Variants in FHIT observed in about 807,000 individuals in gnomAD.
The protein encoded by FHIT is bis(5'-adenosyl)-triphosphatase.
In FHIT, 19 loss-of-function variants were observed where a neutral mutation model predicts 17.9. The ratio of observed to expected loss-of-function variants is 1.06; its 90% CI spans 0.74 to 1.56. FHIT has a LOEUF of 1.56. Ranked by LOEUF, FHIT falls within the 40% of genes most tolerant of loss-of-function variation. The probability of loss-of-function intolerance (pLI) is 0.00; values close to 1 mark genes in which losing one functional copy is unlikely to be tolerated. For synonymous variants in FHIT, 81 were observed against 69.7 expected (o/e 1.16, Z -0.81); for missense variants, 248 against 189.2 (o/e 1.31, Z -1.82).
At chr3:60,521,002 A>C (rs531534242) in intron 5 of FHIT, among the ~76,000 whole-genome samples, 26 of 152,246 alleles carry the variant, frequency 1.7e-4, no homozygotes, top group Non-Finnish European at 3.1e-4. Flanking sequence ...AATGCCTATA[A>C]ATTTTTTGGT....
intron 2 of FHIT, among the ~76,000 whole-genome samples, chr3:61,051,794 A>G (rs1336036867): frequency 6.6e-6 from 1 of 152,182 alleles, no homozygotes; most frequent in Non-Finnish European, 1.5e-5. Flanking sequence ...AACTCTATCA[A>G]GAAGTTGTGT....
chr3:60,327,900 A>C (rs1559823670), intron 5 of FHIT, among the ~76,000 whole-genome samples: 1 of 152,150 alleles, frequency 6.6e-6, no homozygotes, highest in Non-Finnish European at 1.5e-5. Context: ...AGGGAGGTGG[A>C]GGCACTCAGA....
At chr3:60,509,753 CTG>C (rs2034874907) in intron 5 of FHIT, among the ~76,000 whole-genome samples, 2 of 152,236 alleles carry the variant, frequency 1.3e-5, no homozygotes, top group Non-Finnish European at 2.9e-5. Flanking sequence ...CTTTCATCCT[CTG>C]TTGACAATGA....
intron 7 of FHIT, among the ~76,000 whole-genome samples, chr3:59,948,142 C>T (rs79077898): frequency 0.04 from 6,018 of 152,074 alleles, 407 homozygotes; most frequent in African/African-American, 0.14. Flanking sequence ...ACATAGGTTT[C>T]CCTTTCTCTG....
chr3:60,431,160 G>A (rs1702882492), intron 5 of FHIT, among the ~76,000 whole-genome samples: 2 of 151,372 alleles, frequency 1.3e-5, no homozygotes, highest in South Asian at 4.2e-4. Flanking sequence ...GCAGTGAGCT[G>A]AGATCGCACC....
intron 3 of FHIT, among the ~76,000 whole-genome samples, chr3:61,039,851 A>AAAAC (rs1292250755): frequency 6.6e-5 from 10 of 152,288 alleles, no homozygotes; most frequent in East Asian, 1.9e-4. Context: ...AAAGTATAAA[A>AAAAC]AAACAAACAA....
chr3:60,657,678 C>A (rs1353220015), intron 4 of FHIT, among the ~76,000 whole-genome samples: 1 of 152,138 alleles, frequency 6.6e-6, no homozygotes, highest in Non-Finnish European at 1.5e-5. Flanking sequence ...TTTTGGACTT[C>A]TGTGTCTTTC....
At chr3:59,885,532 C>G (rs551962833) in intron 8 of FHIT, among the ~76,000 whole-genome samples, 1 of 151,386 alleles carries the variant, frequency 6.6e-6, no homozygotes, top group Admixed American at 6.6e-5. Context: ...ACATCAGCAA[C>G]TGCAGCCTAT....
intron 8 of FHIT, among the ~76,000 whole-genome samples, chr3:59,893,522 C>G (rs1266866430): frequency 6.6e-6 from 1 of 152,160 alleles, no homozygotes; most frequent in Admixed American, 6.5e-5. Context: ...GGAGAATGTC[C>G]CCAAGGGTGA....
intron 5 of FHIT, among the ~76,000 whole-genome samples, chr3:60,427,476 A>G (rs530558843): frequency 5.3e-5 from 8 of 152,126 alleles, no homozygotes; most frequent in African/African-American, 9.7e-5. Flanking sequence ...ATTCCAGCCC[A>G]TGAAAATGGT....
intron 8 of FHIT, among the ~76,000 whole-genome samples, chr3:59,911,435 T>A (rs1704869527): frequency 6.6e-6 from 1 of 152,140 alleles, no homozygotes; most frequent in African/African-American, 2.4e-5. Flanking sequence ...CTATTTTGGA[T>A]TGTCTATCTT....
At chr3:60,939,539 C>T (rs1553773975) in intron 3 of FHIT, among the ~76,000 whole-genome samples, 1 of 152,114 alleles carries the variant, frequency 6.6e-6, no homozygotes, top group Admixed American at 6.5e-5. Context: ...ACCGTGACTA[C>T]AAGCAGATCT....
chr3:59,980,893 A>G (rs912197580), intron 7 of FHIT, among the ~76,000 whole-genome samples: 6 of 152,222 alleles, frequency 3.9e-5, no homozygotes, highest in African/African-American at 1.2e-4. Flanking sequence ...TACTGTTTTC[A>G]TAATTTACAA....
chr3:60,822,649 T>A (rs1294238245), intron 3 of FHIT, among the ~76,000 whole-genome samples: 1 of 152,192 alleles, frequency 6.6e-6, no homozygotes, highest in Non-Finnish European at 1.5e-5. Flanking sequence ...CAAACGGGTA[T>A]AATAATATTT....
At chr3:59,974,216 G>A (rs1354881343) in intron 7 of FHIT, among the ~76,000 whole-genome samples, 1 of 152,084 alleles carries the variant, frequency 6.6e-6, no homozygotes, top group Non-Finnish European at 1.5e-5. Flanking sequence ...AATGACAGAT[G>A]ATTTGCTACA....
intron 2 of FHIT, among the ~76,000 whole-genome samples, chr3:61,116,277 A>G (rs891534781): frequency 1.3e-5 from 2 of 152,166 alleles, no homozygotes; most frequent in Non-Finnish European, 2.9e-5. Flanking sequence ...ATGTTACTGC[A>G]TAATATCATT....
chr3:60,803,897 C>A (rs114685364), intron 4 of FHIT, among the ~76,000 whole-genome samples: 1 of 151,796 alleles, frequency 6.6e-6, no homozygotes, highest in Admixed American at 6.6e-5. Flanking sequence ...TTAGCATGGT[C>A]CATTTTAAAA....
intron 4 of FHIT, among the ~76,000 whole-genome samples, chr3:60,756,805 GT>G (rs1382518032): frequency 1.3e-5 from 2 of 152,178 alleles, no homozygotes; most frequent in Non-Finnish European, 2.9e-5. Flanking sequence ...CAGCCAATTA[GT>G]GGCTTAACTG....
chr3:60,203,980 T>TA (rs1414093247), intron 5 of FHIT, among the ~76,000 whole-genome samples: 1 of 151,902 alleles, frequency 6.6e-6, no homozygotes, highest in Non-Finnish European at 1.5e-5. Flanking sequence ...TTAGTGAGTA[T>TA]AAAAAATAGA....
Sources: gnomAD v4.1 joint callset for allele counts (sites outside exome capture counted in the v4.1 genomes callset) on GRCh38, gnomAD v4.1.1 for gene constraint, MANE v1.5 for transcripts, NCBI Gene and HGNC (gene_info 2026-07-23, HGNC 2026-07-21) for gene names.